Variants in AAK1 observed in about 807,000 individuals in gnomAD.
The protein encoded by AAK1 is AP2 associated kinase 1.
AAK1 carries 37 observed loss-of-function variants against 116.0 expected under a neutral mutation model. The ratio of observed to expected loss-of-function variants is 0.32; its 90% CI spans 0.25 to 0.42. The LOEUF is 0.42. Ranked by LOEUF, AAK1 falls within the 10% of genes least tolerant of loss-of-function variation. The pLI is 1.00. For missense variants in AAK1, 919 were observed against 1,170.6 expected, an observed-to-expected ratio of 0.79 and a Z score of 3.14; for synonymous variants, 458 against 439.9, an observed-to-expected ratio of 1.04 and a Z score of -0.51.
intron 2 of AAK1, among the ~76,000 whole-genome samples, chr2:69,569,486 T>C (rs555647062): frequency 6.6e-6 from 1 of 152,156 alleles, no homozygotes; most frequent in East Asian, 1.9e-4. Context: ...TTTTTGGGGA[T>C]GAGGGTAAAT....
chr2:69,640,404 C>T (rs908033654), intron 2 of AAK1, among the ~76,000 whole-genome samples: 1 of 152,186 alleles, frequency 6.6e-6, no homozygotes, highest in Non-Finnish European at 1.5e-5. Context: ...TACAGTTCCA[C>T]AGCTAGTAAA....
intron 3 of AAK1, among the ~76,000 whole-genome samples, chr2:69,548,387 C>T (rs1267599946): frequency 2.0e-5 from 3 of 152,082 alleles, no homozygotes; most frequent in Non-Finnish European, 4.4e-5. Flanking sequence ...TATCTGAATC[C>T]CCACTACAGC....
chr2:69,582,462 T>G (rs1220013876), intron 2 of AAK1, among the ~76,000 whole-genome samples: 2 of 152,052 alleles, frequency 1.3e-5, no homozygotes, highest in Non-Finnish European at 2.9e-5. Context: ...ACCCTACCAG[T>G]GGTTTCGGGG....
chr2:69,640,112 G>A (rs1036758065), intron 2 of AAK1, among the ~76,000 whole-genome samples: 11 of 142,222 alleles, frequency 7.7e-5, no homozygotes, highest in Non-Finnish European at 1.2e-4. Context: ...GATGTATAAC[G>A]TTGCTGGTAA....
At chr2:69,482,616 G>T in intron 18 of AAK1, 95 bp downstream of exon 18, 1 of 982,868 alleles carries the variant, frequency 1.0e-6, no homozygotes, top group Non-Finnish European at 1.6e-6. Context: ...GGGTGGCAGG[G>T]CTATTCCCCA....
intron 17 of AAK1, among the ~76,000 whole-genome samples, chr2:69,491,464 A>G (rs1366537386): frequency 6.6e-6 from 1 of 152,184 alleles, no homozygotes; most frequent in Admixed American, 6.5e-5. Flanking sequence ...TAGTGCTTTG[A>G]AAAATAAAAA....
chr2:69,586,775 A>T (rs572686707), intron 2 of AAK1, among the ~76,000 whole-genome samples: 2 of 152,336 alleles, frequency 1.3e-5, no homozygotes, highest in South Asian at 2.1e-4. Context: ...CAATTCTAAC[A>T]GCACATCAGA....
intron 2 of AAK1, among the ~76,000 whole-genome samples, chr2:69,629,939 C>T (rs1675087903): frequency 6.6e-6 from 1 of 152,040 alleles, no homozygotes; most frequent in Non-Finnish European, 1.5e-5. Context: ...GTGGTGAATA[C>T]CTAGGCTAGG....
At chr2:69,505,785 A>C in intron 15 of AAK1, 112 bp from the exon 16 acceptor site, 1 of 671,826 alleles carries the variant, frequency 1.5e-6, no homozygotes, top group East Asian at 3.0e-5. Context: ...GACTACTTTT[A>C]CTGCATTATG....
In AAK1 at chr2:69,643,622, G is replaced by A. The variant is rs1395478791; in HGVS notation, c.-282C>T. 2 of 1,228,666 alleles carry A rather than the reference G, an allele frequency of 1.6e-6. No individual in the cohort carries two copies. Among genetic ancestry groups the A allele is most frequent in the Admixed American group, 4.2e-5 (1 of 23,592 alleles). The allele number at this position is 1,228,666 out of a possible 1,614,324, so 76.1% of individuals were successfully genotyped here. ...GCCCTGCTACCAGCCCCGCGACATT[G>A]TCACGGCCGCCGGGCCGGCCTGCGA... On this transcript the variant is annotated 5_prime_UTR_variant, in exon 1 of 22. Coordinates refer to ENST00000409085, the MANE Select transcript of AAK1 (RefSeq NM_014911.5).
At chr2:69,550,034 G>A (rs73934476) in intron 3 of AAK1, among the ~76,000 whole-genome samples, 9,282 of 152,218 alleles carry the variant, frequency 0.061, 866 homozygotes, top group African/African-American at 0.21. Context: ...GTTTCCTCCA[G>A]ATTAATATCA....
intron 2 of AAK1, among the ~76,000 whole-genome samples, chr2:69,570,609 T>C (rs1306247858): frequency 1.3e-5 from 2 of 152,074 alleles, no homozygotes; most frequent in Non-Finnish European, 2.9e-5. Context: ...ACCTGAAAAA[T>C]GAGTCACCAA....
At chr2:69,510,672 T>C (rs963941420) in intron 13 of AAK1, among the ~76,000 whole-genome samples, 2 of 152,232 alleles carry the variant, frequency 1.3e-5, no homozygotes, top group Non-Finnish European at 2.9e-5. Flanking sequence ...ATCAAGAATG[T>C]ATAAGCATTC....
intron 2 of AAK1, among the ~76,000 whole-genome samples, chr2:69,603,541 T>C (rs1168360207): frequency 1.3e-5 from 2 of 152,110 alleles, no homozygotes; most frequent in African/African-American, 4.8e-5. Flanking sequence ...AGGTCGCAAA[T>C]CCACATGTGA....
chr2:69,566,591 C>T (rs1671880374), intron 2 of AAK1, among the ~76,000 whole-genome samples: 1 of 152,180 alleles, frequency 6.6e-6, no homozygotes, highest in African/African-American at 2.4e-5. Context: ...CCAGGCTGAA[C>T]ATGGCACACT....
chr2:69,471,887 A>G lies in AAK1; in HGVS notation c.*3982T>C, dbSNP rs374733538. The G allele has an allele frequency of 3.2e-5, 32 of 985,200 alleles. No homozygotes were observed. In the East Asian group the frequency reaches 1.8e-3, roughly 56 times the overall value. 61.0% of individuals were successfully genotyped at this position (985,200 alleles called of 1,614,324 possible). ...GAGTAGGAAATAAGTAATCAAAACAACCAAAAGTATTAATAATAAAACAAA... is the reference window on the plus strand; with the variant it reads ...GAGTAGGAAATAAGTAATCAAAACAGCCAAAAGTATTAATAATAAAACAAA... On this transcript the variant is annotated 3_prime_UTR_variant, in exon 22 of 22. Transcript: ENST00000409085.
chr2:69,496,226 G>A (rs1675735154), intron 16 of AAK1, 146 bp from the exon 17 acceptor site: 5 of 551,036 alleles, frequency 9.1e-6, no homozygotes, highest in Admixed American at 3.3e-5. Context: ...AAAAGTGGCT[G>A]TAGCTCAGTG....
chr2:69,545,016 T>C (rs556487033), intron 3 of AAK1, among the ~76,000 whole-genome samples: 2 of 151,934 alleles, frequency 1.3e-5, no homozygotes, highest in Non-Finnish European at 2.9e-5. Flanking sequence ...TTTTTCCTTT[T>C]GGGAAATCTA....
intron 17 of AAK1, among the ~76,000 whole-genome samples, chr2:69,484,888 A>ATAC (rs775882551): frequency 2.6e-5 from 4 of 151,664 alleles, no homozygotes; most frequent in Non-Finnish European, 4.4e-5. Context: ...AATAATAATA[A>ATAC]TAAATAAAAA....
Sources: allele counts gnomAD v4.1 joint callset (sites outside exome capture counted in the v4.1 genomes callset), GRCh38; gene constraint gnomAD v4.1.1; transcripts MANE v1.5; gene names NCBI Gene and HGNC (gene_info 2026-07-23, HGNC 2026-07-21).